CNTNAP3B: variants seen among roughly 807,000 people sequenced by gnomAD.
CNTNAP3B encodes contactin associated protein family member 3B.
A neutral mutation model predicts 108.9 loss-of-function variants in CNTNAP3B; 25 were observed. The observed-to-expected ratio is 0.23, with a 90% CI of 0.17 to 0.32. The LOEUF (loss-of-function observed/expected upper bound fraction) is 0.32. Ranked by LOEUF, CNTNAP3B falls within the 10% of genes least tolerant of loss-of-function variation. CNTNAP3B has a pLI of 1.00. For synonymous variants in CNTNAP3B, 103 were observed against 473.4 expected (o/e 0.22, Z 10.16); for missense variants, 252 against 1,210.4 (o/e 0.21, Z 11.75).
intron 3 of CNTNAP3B, among the ~76,000 whole-genome samples, chr9:42,071,930 G>A (rs1259697697): frequency 2.0e-5 from 3 of 151,070 alleles, no homozygotes; most frequent in African/African-American, 4.9e-5. Context: ...GTGATGGGAA[G>A]GATATGGAGA....
At chr9:42,119,598 A>G (rs1828410588) in intron 1 of CNTNAP3B, among the ~76,000 whole-genome samples, 1 of 131,812 alleles carries the variant, frequency 7.6e-6, no homozygotes, top group African/African-American at 3.1e-5. Flanking sequence ...GGCTACAGTA[A>G]CCAAAACAGC....
intron 14 of CNTNAP3B, among the ~76,000 whole-genome samples, chr9:41,936,093 C>T (rs1824148073): frequency 6.6e-6 from 1 of 152,280 alleles, no homozygotes; most frequent in African/African-American, 2.4e-5. Context: ...ACCAGCCTGG[C>T]CAATAGTGAA....
rs544093711 is a variant in CNTNAP3B, at chr9:42,035,322, T to C, written c.391-21797A>G. Among the ~76,000 whole-genome samples, 61 of 146,184 alleles carry C rather than the reference T, an allele frequency of 4.2e-4. 3 individuals are homozygous for C. Among genetic ancestry groups the C allele is most frequent in the African/African-American group, 1.6e-3 (61 of 38,682 alleles). On this transcript the variant is annotated intron_variant, in intron 3 of 23. Transcript: ENST00000377561. ...GGTTCCACGAGGCTGACTTCTCCTA[T>C]GATTCAATTTTCAGATCAGATGCCA...
At chr9:41,965,664 T>A (rs1349073244) in intron 10 of CNTNAP3B, among the ~76,000 whole-genome samples, 3 of 151,940 alleles carry the variant, frequency 2.0e-5, no homozygotes, top group Non-Finnish European at 2.9e-5. Flanking sequence ...TAGTCCATGC[T>A]GGAGCGGCAG....
chr9:41,981,892 CAAT>C (rs1554746914), intron 9 of CNTNAP3B, among the ~76,000 whole-genome samples: 9,245 of 34,066 alleles, frequency 0.27, 1,515 homozygotes, highest in Non-Finnish European at 0.4. Flanking sequence ...TCTCTACAAA[CAAT>C]AATAATAATA....
chr9:42,086,230 C>T (rs1827700076), intron 2 of CNTNAP3B, among the ~76,000 whole-genome samples: 1 of 142,092 alleles, frequency 7.0e-6, no homozygotes, highest in Admixed American at 7.0e-5. Context: ...ACTACGAGAA[C>T]AGTATGGGGG....
chr9:41,943,423 G>A (rs1317415977), intron 13 of CNTNAP3B, among the ~76,000 whole-genome samples: 1 of 150,398 alleles, frequency 6.6e-6, no homozygotes, highest in Non-Finnish European at 1.5e-5. Flanking sequence ...TGCAATCTCG[G>A]CTCACTGCAA....
chr9:41,929,517 T>A lies in CNTNAP3B; in HGVS notation c.2238-73A>T, dbSNP rs1173573873. ...GGGCAAAATTAACTCTGATCTCTTA[T>A]CTCAATTTGAAACTAACATCATAGA... On this transcript the variant is annotated intron_variant, in intron 14 of 23. Transcript: ENST00000377561. The A allele has an allele frequency of 8.7e-6, 13 of 1,490,568 alleles. 1 individual carries two copies. The highest frequency in any genetic ancestry group is 1.2e-5 in the Non-Finnish European group (13 of 1,106,518). 92.3% of individuals were successfully genotyped at this position (1,490,568 alleles called of 1,614,324 possible).
At chr9:42,054,878 A>G (rs1017434887) in intron 3 of CNTNAP3B, among the ~76,000 whole-genome samples, 1 of 149,080 alleles carries the variant, frequency 6.7e-6, no homozygotes, top group African/African-American at 2.5e-5. Flanking sequence ...TGACCTCCCT[A>G]GCTGGGACTC....
chr9:41,934,132 T>TATATATATACAC (rs1824075848), intron 14 of CNTNAP3B, among the ~76,000 whole-genome samples: 1 of 132,528 alleles, frequency 7.5e-6, no homozygotes, highest in Non-Finnish European at 1.6e-5. Flanking sequence ...TACACACACA[T>TATATATATACAC]ATATATATAC....
chr9:42,070,418 C>G (rs906337314), intron 3 of CNTNAP3B, among the ~76,000 whole-genome samples: 2 of 149,504 alleles, frequency 1.3e-5, no homozygotes, highest in East Asian at 4.0e-4. Context: ...ACCTCTGGAC[C>G]CACAGGTGCA....
chr9:42,020,589 T>C (rs1337021283), intron 3 of CNTNAP3B, among the ~76,000 whole-genome samples: 1 of 148,450 alleles, frequency 6.7e-6, no homozygotes, highest in Non-Finnish European at 1.5e-5. Context: ...TGGGACATGA[T>C]AGGCATTGTT....
chr9:41,924,658 C>CACACATAT (rs1823761504), intron 15 of CNTNAP3B, among the ~76,000 whole-genome samples: 3 of 73,700 alleles, frequency 4.1e-5, no homozygotes, highest in African/African-American at 3.9e-5. Context: ...CACACACACA[C>CACACATAT]ACACACACAC....
At chr9:42,109,390 A>G (rs1828144018) in intron 1 of CNTNAP3B, among the ~76,000 whole-genome samples, 1 of 148,044 alleles carries the variant, frequency 6.8e-6, no homozygotes, top group South Asian at 2.1e-4. Context: ...ATAAACATAA[A>G]CCATGCATTT....
chr9:42,036,159 G>A (rs1305431537), intron 3 of CNTNAP3B, among the ~76,000 whole-genome samples: 2 of 149,208 alleles, frequency 1.3e-5, no homozygotes, highest in Non-Finnish European at 3.0e-5. Flanking sequence ...TCCCATTTTG[G>A]TTTCTAAAAG....
intron 2 of CNTNAP3B, among the ~76,000 whole-genome samples, chr9:42,103,601 G>A (rs1240831640): frequency 9.0e-6 from 1 of 111,426 alleles, no homozygotes; most frequent in Non-Finnish European, 1.9e-5. Context: ...CAGGCCTGGT[G>A]GCGGGTGCCT....
At position 41,973,122 on chromosome 9, in the gene CNTNAP3B, T is replaced by G. The variant is rs573285446; in HGVS notation, c.1478-2877A>C. 7.3e-4 allele frequency among the ~76,000 whole-genome samples: 105 copies of G among 142,916 alleles called. 3 individuals carry two copies. Among genetic ancestry groups the G allele is most frequent in the African/African-American group, 2.7e-3 (100 of 37,540 alleles). 93.8% of individuals were successfully genotyped at this position (142,916 alleles called of 152,430 possible). On this transcript the variant is annotated intron_variant, in intron 9 of 23. Coordinates refer to ENST00000377561, the MANE Select transcript of CNTNAP3B (RefSeq NM_001201380.3). Reference sequence around the variant, plus strand: ...CCTGCTAATTTTTTTTTTTTGTATTTTTTTTCAGTAGAGACGGGGTTTCAC... The same window carrying G: ...CCTGCTAATTTTTTTTTTTTGTATTGTTTTTCAGTAGAGACGGGGTTTCAC...
intron 1 of CNTNAP3B, among the ~76,000 whole-genome samples, chr9:42,118,055 G>A (rs1312547010): frequency 7.5e-6 from 1 of 133,450 alleles, no homozygotes; most frequent in Non-Finnish European, 1.6e-5. Flanking sequence ...ACCAAAAAAA[G>A]TCCAGGACCA....
chr9:42,030,813 G>GACAGAGAGGA (rs1156882673), intron 3 of CNTNAP3B, among the ~76,000 whole-genome samples: 1 of 65,748 alleles, frequency 1.5e-5, no homozygotes, highest in Non-Finnish European at 2.7e-5. Context: ...GAGAGAGAGA[G>GACAGAGAGGA]GAGAGAGAGA....
Sources: allele counts gnomAD v4.1 joint callset (sites outside exome capture counted in the v4.1 genomes callset), GRCh38; gene constraint gnomAD v4.1.1; transcripts MANE v1.5; gene names NCBI Gene and HGNC (gene_info 2026-07-23, HGNC 2026-07-21).